COL23A1: variants seen among roughly 807,000 people sequenced by gnomAD.
The protein encoded by COL23A1 is collagen type XXIII alpha 1 chain.
A neutral mutation model predicts 99.3 loss-of-function variants in COL23A1; 97 were observed. The ratio of observed to expected loss-of-function variants is 0.98; its 90% CI spans 0.83 to 1.16. The LOEUF is 1.16. COL23A1 is among the 50% of genes most tolerant of loss of function. The pLI is 0.00. For synonymous variants in COL23A1, 320 were observed against 308.2 expected, an observed-to-expected ratio of 1.04 and a Z score of -0.40; for missense variants, 762 against 757.4, an observed-to-expected ratio of 1.01 and a Z score of -0.07.
chr5:178,581,857 G>C (rs1341222454), intron 1 of COL23A1, among the ~76,000 whole-genome samples: 1 of 152,160 alleles, frequency 6.6e-6, no homozygotes, highest in African/African-American at 2.4e-5. Context: ...CTGATGTACA[G>C]TTTAAAAGCA....
In COL23A1 at chr5:178,366,530, C is replaced by T. The variant is rs1266998733; in HGVS notation, c.362-59611G>A. On this transcript the variant is annotated intron_variant, in intron 2 of 28. Coordinates refer to ENST00000390654, the MANE Select transcript of COL23A1 (RefSeq NM_173465.4). This position sits in a 1 kb window ranked among gnomAD's most constrained non-coding sequence, Gnocchi z 4.4. Reference sequence around the variant, plus strand: ...CTCCCATCTGACCTTTCCAGACCAACTTCCACCCTGCCCCAACAGAGTGCT... The same window carrying T: ...CTCCCATCTGACCTTTCCAGACCAATTTCCACCCTGCCCCAACAGAGTGCT... 6.6e-6 allele frequency among the ~76,000 whole-genome samples: 1 copy of T among 152,212 alleles called. No individual in the cohort carries two copies. The highest frequency in any genetic ancestry group is 2.4e-5 in the African/African-American group (1 of 41,460).
chr5:178,330,947 C>A (rs1176049647), intron 2 of COL23A1, among the ~76,000 whole-genome samples: 7 of 152,244 alleles, frequency 4.6e-5, no homozygotes, highest in Non-Finnish European at 4.4e-5. Context: ...CAAGCTCCGC[C>A]TTCACTCTGT....
At chr5:178,265,779 A>T (rs1755855044) in intron 8 of COL23A1, 1 of 900,806 alleles carries the variant, frequency 1.1e-6, no homozygotes, top group Middle Eastern at 5.6e-4. Context: ...GATCTGAAGA[A>T]CTACAAGGCT....
rs144509735 is a variant in COL23A1 at position 178,283,152 on chromosome 5, C to T, written c.441+5172G>A. ...CCATCCGCCTTGGCCTCCAAAAGTG[C>T]TGGGATTACAGGCGTGAGCCACCGC... On this transcript the variant is annotated intron_variant, in intron 5 of 28. Transcript: ENST00000390654. Among the ~76,000 whole-genome samples the T allele has an allele frequency of 1.8e-3, 272 of 152,298 alleles. 2 individuals are homozygous for T. The highest frequency in any genetic ancestry group is 5.6e-3 in the African/African-American group (233 of 41,564).
intron 2 of COL23A1, among the ~76,000 whole-genome samples, chr5:178,408,418 T>C (rs150344480): frequency 2.5e-4 from 38 of 152,286 alleles, no homozygotes; most frequent in African/African-American, 8.9e-4. Flanking sequence ...GTAAATATAA[T>C]AGGTCTTCTT....
intron 1 of COL23A1, among the ~76,000 whole-genome samples, chr5:178,563,021 T>A (rs1288811864): frequency 6.6e-6 from 1 of 152,232 alleles, no homozygotes; most frequent in Non-Finnish European, 1.5e-5. Flanking sequence ...AAGTCCCCAC[T>A]GCACCCAGGA....
intron 2 of COL23A1, among the ~76,000 whole-genome samples, chr5:178,355,531 G>A (rs1761593140): frequency 6.6e-6 from 1 of 152,134 alleles, no homozygotes; most frequent in Non-Finnish European, 1.5e-5. Flanking sequence ...AAAGAAAAGA[G>A]GTTTGTTTTT....
intron 2 of COL23A1, among the ~76,000 whole-genome samples, chr5:178,417,555 C>G (rs1310565154): frequency 6.6e-6 from 1 of 152,164 alleles, no homozygotes; most frequent in Non-Finnish European, 1.5e-5. Context: ...CCCCATTCCC[C>G]CAGCGAGATA....
At position 178,500,502 on chromosome 5, in the gene COL23A1, G is replaced by A. The variant is rs2546647; in HGVS notation, c.361+60180C>T. On this transcript the variant is annotated intron_variant, in intron 2 of 28. Coordinates refer to ENST00000390654, the MANE Select transcript of COL23A1 (RefSeq NM_173465.4). ...TGCCTCTAGTCCCAACTACTTGAGA[G>A]GCTGAGGTGGGAGAATCACTTGAGC... 2.5e-3 allele frequency among the ~76,000 whole-genome samples: 373 copies of A among 151,116 alleles called. 1 individual carries two copies. Among genetic ancestry groups the A allele is most frequent in the African/African-American group, 8.4e-3 (345 of 41,132 alleles).
intron 2 of COL23A1, among the ~76,000 whole-genome samples, chr5:178,339,110 C>CT (rs1458181354): frequency 6.6e-6 from 1 of 152,198 alleles, no homozygotes; most frequent in Non-Finnish European, 1.5e-5. Flanking sequence ...AAGAGAGGTT[C>CT]ATGCTGTCTT....
intron 1 of COL23A1, among the ~76,000 whole-genome samples, chr5:178,575,140 G>A (rs897009639): frequency 1.3e-5 from 2 of 152,128 alleles, no homozygotes; most frequent in African/African-American, 4.8e-5. Context: ...CTTGCCTTAT[G>A]AGTGCTGCAG....
chr5:178,511,734 C>T (rs762595011), intron 2 of COL23A1, among the ~76,000 whole-genome samples: 4 of 152,212 alleles, frequency 2.6e-5, no homozygotes, highest in Admixed American at 6.5e-5. Context: ...CCCCAAGCAG[C>T]TCCTGAGCCT....
chr5:178,333,677 A>G (rs1760164478), intron 2 of COL23A1, among the ~76,000 whole-genome samples: 1 of 152,098 alleles, frequency 6.6e-6, no homozygotes, highest in Non-Finnish European at 1.5e-5. Context: ...GGTGATCATC[A>G]GGGCCTCTGC....
At chr5:178,488,207 C>T (rs1757738173) in intron 2 of COL23A1, among the ~76,000 whole-genome samples, 1 of 152,154 alleles carries the variant, frequency 6.6e-6, no homozygotes, top group Non-Finnish European at 1.5e-5. Context: ...GCACTCAGGC[C>T]TCTCAATTTA....
At chr5:178,517,148 C>G (rs1329568181) in intron 2 of COL23A1, among the ~76,000 whole-genome samples, 1 of 152,206 alleles carries the variant, frequency 6.6e-6, no homozygotes, top group Non-Finnish European at 1.5e-5. Context: ...TGAGCCATAC[C>G]AAGGAACTGC....
intron 2 of COL23A1, among the ~76,000 whole-genome samples, chr5:178,334,725 A>G (rs1760226259): frequency 1.3e-5 from 2 of 152,226 alleles, no homozygotes; most frequent in Admixed American, 1.3e-4. Context: ...ACCCCACTAG[A>G]TGACACGAAC....
chr5:178,445,712 A>G (rs1028793182), intron 2 of COL23A1, among the ~76,000 whole-genome samples: 3 of 152,144 alleles, frequency 2.0e-5, no homozygotes, highest in African/African-American at 7.2e-5. Flanking sequence ...ATTAAACCTT[A>G]GAAGCACTAG....
chr5:178,293,680 G>A (rs755945234), intron 3 of COL23A1, among the ~76,000 whole-genome samples: 3 of 151,770 alleles, frequency 2.0e-5, no homozygotes, highest in Non-Finnish European at 2.9e-5. Flanking sequence ...GGAGGGGCAG[G>A]GAGGTCTGGC....
chr5:178,527,758 G>A (rs1054517997), intron 2 of COL23A1, among the ~76,000 whole-genome samples: 23 of 151,958 alleles, frequency 1.5e-4, no homozygotes, highest in African/African-American at 4.6e-4. Context: ...CCCTGCCCAC[G>A]CCCCTGCCAG....
Sources: gnomAD v4.1 joint callset for allele counts (sites outside exome capture counted in the v4.1 genomes callset) on GRCh38, gnomAD v4.1.1 for gene constraint, Gnocchi (gnomAD v3.1) non-coding constraint, MANE v1.5 for transcripts, NCBI Gene and HGNC (gene_info 2026-07-23, HGNC 2026-07-21) for gene names.